ZNF782: variants seen among roughly 807,000 people sequenced by gnomAD.
ZNF782 encodes the protein zinc finger protein 782.
A neutral mutation model predicts 13.0 loss-of-function variants in ZNF782; 12 were observed. The ratio of observed to expected loss-of-function variants is 0.92; its 90% confidence interval spans 0.59 to 1.50. The LOEUF is 1.50. Among genes scored for constraint, ZNF782 ranks in the 40% most tolerant of loss-of-function variants. ZNF782 has a pLI of 0.00. For missense variants in ZNF782, 770 were observed against 822.9 expected (o/e 0.94, Z 0.79); for synonymous variants, 284 against 283.0 (o/e 1.00, Z -0.04).
At chr9:96,911,171 G>T in the ZNF782 span, among the ~76,000 whole-genome samples, 1 of 145,862 alleles carries the variant, frequency 6.9e-6, no homozygotes, top group African/African-American at 2.5e-5. Context: ...CAGGCGCGGT[G>T]GCTCACGCCT....
At chr9:96,931,916 C>T in the ZNF782 span, 296 of 1,612,118 alleles carry the variant, frequency 1.8e-4, 1 homozygote, top group Non-Finnish European at 2.3e-4. Context: ...ACAGGATGGC[C>T]GCGGCCCAAG....
intron 1 of ZNF782, among the ~76,000 whole-genome samples, chr9:96,869,562 T>A (rs1851800354): frequency 6.6e-6 from 1 of 152,190 alleles, no homozygotes; most frequent in Non-Finnish European, 1.5e-5. Flanking sequence ...GTGTCTCAAG[T>A]ACTGGATGCA....
At chr9:96,910,045 C>T in the ZNF782 span, 3 of 568,906 alleles carry the variant, frequency 5.3e-6, no homozygotes, top group South Asian at 2.8e-5. Context: ...TCTTTTTAAT[C>T]CCCTGCATCA....
In ZNF782 at chr9:96,818,803, G is replaced by T; in HGVS notation, c.1220C>A (p.Ser407Ter). Residue 407 changes from serine (S) to a stop codon, truncating the protein, a stop_gained, in exon 6 of 6, where the codon TCA (serine) becomes TAA (stop). Transcript: ENST00000481138. LOFTEE classifies it low-confidence loss of function (END_TRUNC). ...PECGKAFSEK[S>*]RLRKHQRTHT... ...AGTTCTCTGATGTTTTCTTAGGCGT[G>T]ACTTCTCACTGAAGGCTTTCCCGCA... The T allele has an allele frequency of 1.2e-6, 2 of 1,614,002 alleles. No homozygotes were observed. Among genetic ancestry groups the T allele is most frequent in the Non-Finnish European group, 1.7e-6 (2 of 1,179,986 alleles).
the ZNF782 span, chr9:96,887,284 A>AAG: frequency 7.2e-6 from 1 of 139,744 alleles, no homozygotes; most frequent in Non-Finnish European, 1.5e-5. Flanking sequence ...ATTGCAAAAA[A>AAG]GAAAGGAAGG....
chr9:96,914,977 C>T, the ZNF782 span, among the ~76,000 whole-genome samples: 1 of 150,336 alleles, frequency 6.7e-6, no homozygotes, highest in African/African-American at 2.4e-5. Flanking sequence ...TTGCCTGTAA[C>T]AAAGCAACAT....
chr9:96,897,641 C>CG, the ZNF782 span, among the ~76,000 whole-genome samples: 2 of 150,828 alleles, frequency 1.3e-5, no homozygotes, highest in Admixed American at 1.3e-4. Context: ...TGCTGGAAGT[C>CG]GAGTCTGTTA....
At chr9:96,888,168 TAAAAAAAGAAAA>T in the ZNF782 span, 5 of 120,236 alleles carry the variant, frequency 4.2e-5, no homozygotes, top group Admixed American at 1.5e-4. Context: ...TACAGTATAA[TAAAAAAAGAAAA>T]AAAAAAAGAA....
the ZNF782 span, among the ~76,000 whole-genome samples, chr9:96,912,018 G>A: frequency 1.3e-5 from 2 of 151,466 alleles, no homozygotes; most frequent in African/African-American, 2.4e-5. Context: ...TGACCAACAT[G>A]GGGAAACCCT....
intron 1 of ZNF782, among the ~76,000 whole-genome samples, chr9:96,866,750 AG>A (rs1272840752): frequency 6.6e-6 from 1 of 152,132 alleles, no homozygotes; most frequent in African/African-American, 2.4e-5. Context: ...CAAAGCCACA[AG>A]GGCAGAGCTG....
intron 4 of ZNF782, among the ~76,000 whole-genome samples, chr9:96,836,936 G>A (rs1295075065): frequency 6.6e-6 from 1 of 152,076 alleles, no homozygotes; most frequent in Admixed American, 6.5e-5. Flanking sequence ...CCCACCATAA[G>A]TTGAAGCAGT....
intron 4 of ZNF782, among the ~76,000 whole-genome samples, chr9:96,842,073 GAAATT>G (rs1851205513): frequency 6.6e-6 from 1 of 151,892 alleles, no homozygotes. Context: ...TAAGCAAACA[GAAATT>G]TAAAACACAA....
the ZNF782 span, among the ~76,000 whole-genome samples, chr9:96,911,714 GT>G: frequency 6.6e-6 from 1 of 151,240 alleles, no homozygotes; most frequent in African/African-American, 2.4e-5. Flanking sequence ...TAGAGACGGG[GT>G]TTCACCGTGT....
chr9:96,830,174 G>A (rs897237701), intron 4 of ZNF782, among the ~76,000 whole-genome samples: 19 of 152,184 alleles, frequency 1.2e-4, no homozygotes, highest in African/African-American at 4.1e-4. Context: ...TTTAGACAAC[G>A]ACTGTTCTTA....
upstream of ZNF782, among the ~76,000 whole-genome samples, chr9:96,879,002 A>T (rs1341897937): frequency 1.3e-5 from 2 of 152,252 alleles, no homozygotes; most frequent in African/African-American, 4.8e-5. Context: ...TCTTTTAAAA[A>T]AAGAAAAACA....
chr9:96,884,042 C>G, the ZNF782 span, among the ~76,000 whole-genome samples: 2 of 152,208 alleles, frequency 1.3e-5, no homozygotes, highest in Non-Finnish European at 2.9e-5. Context: ...AGCCAAACAC[C>G]AACAGAAAAG....
chr9:96,818,988 CT>C lies in ZNF782; in HGVS notation c.1034del (p.Glu345GlyfsTer17). 1 of 1,614,120 alleles carries C rather than the reference CT, an allele frequency of 6.2e-7. No homozygotes were observed. Among genetic ancestry groups the C allele is most frequent in the South Asian group, 1.1e-5 (1 of 91,080 alleles). On this transcript the variant is annotated frameshift_variant, in exon 6 of 6. Transcript: ENST00000481138. LOFTEE classifies it low-confidence loss of function (END_TRUNC). The part of the protein sequence containing the change: ...DKYSDYHPCT[E>X]TFSYQSTFSV... ...TGAAAGTTGACTGGTAGCTGAATGT[CT>C]CTGTACATGGGTGATAATCAGAGTA...
chr9:96,920,646 G>A, the ZNF782 span, among the ~76,000 whole-genome samples: 12 of 150,078 alleles, frequency 8.0e-5, no homozygotes, highest in Non-Finnish European at 1.6e-4. Context: ...GCTGGGCACA[G>A]TGGCTCACGC....
the ZNF782 span, among the ~76,000 whole-genome samples, chr9:96,913,346 G>T: frequency 6.6e-6 from 1 of 151,912 alleles, no homozygotes; most frequent in East Asian, 1.9e-4. Flanking sequence ...CAAACCATTA[G>T]AGTAGTTCAG....
Sources: gnomAD v4.1 joint callset for allele counts (sites outside exome capture counted in the v4.1 genomes callset) on GRCh38, gnomAD v4.1.1 for gene constraint, MANE v1.5 for transcripts, NCBI Gene and HGNC (gene_info 2026-07-23, HGNC 2026-07-21) for gene names.